MSN: variants seen among roughly 807,000 people sequenced by gnomAD.
MSN encodes moesin.
MSN carries 2 observed loss-of-function variants against 48.0 expected under a neutral mutation model. The ratio of observed to expected loss-of-function variants is 0.04; its 90% CI spans 0.02 to 0.13. MSN has a LOEUF of 0.13. MSN is among the 10% of genes least tolerant of loss of function. MSN has a pLI of 1.00. For synonymous variants in MSN, 146 were observed against 166.9 expected (o/e 0.87, Z 0.97); for missense variants, 267 against 470.1 (o/e 0.57, Z 3.99).
chrX:65,667,619 G>C (rs1461365464), upstream of MSN: 3 of 967,752 alleles, frequency 3.1e-6, no homozygotes, highest in East Asian at 1.2e-4. Flanking sequence ...CGCGGAAGCC[G>C]GGCCACATAA....
chrX:65,626,943 A>C (rs1027400482), intron 1 of MSN, among the ~76,000 whole-genome samples: 6 of 112,030 alleles, frequency 5.4e-5, no homozygotes, highest in Admixed American at 1.9e-4. Context: ...CACTGGGAAC[A>C]TGGGATGCCA....
At chrX:65,652,662 A>G (rs1219243052) in intron 1 of MSN, among the ~76,000 whole-genome samples, 1 of 111,578 alleles carries the variant, frequency 9.0e-6, no homozygotes, top group Non-Finnish European at 1.9e-5. Context: ...GCATGGGATC[A>G]TTAATCTTTT....
intron 1 of MSN, among the ~76,000 whole-genome samples, chrX:65,708,647 C>A (rs1430680961): frequency 1.8e-5 from 2 of 110,494 alleles, no homozygotes. Flanking sequence ...GTCCTTCAGG[C>A]TCATCCATGT....
At chrX:65,736,764 C>A in intron 8 of MSN, 31 bp from the exon 9 acceptor site, 2 of 1,161,608 alleles carry the variant, frequency 1.7e-6, no homozygotes, top group Non-Finnish European at 2.3e-6. Context: ...GCGTTGTTAT[C>A]CTGTTCTATC....
intron 1 of MSN, among the ~76,000 whole-genome samples, chrX:65,613,127 T>G (rs1276679360): frequency 9.0e-6 from 1 of 111,507 alleles, no homozygotes; most frequent in African/African-American, 3.3e-5. Flanking sequence ...CATGCTGTGT[T>G]TGATTTTCTG....
At chrX:65,733,395 C>T (rs780993760) in intron 7 of MSN, 115 bp downstream of exon 7, 34 of 554,543 alleles carry the variant, frequency 6.1e-5, no homozygotes, top group East Asian at 1.4e-4. Flanking sequence ...TACGTGTGTG[C>T]GCGCATGTGC....
chrX:65,700,732 T>G (rs1432997332), intron 1 of MSN, among the ~76,000 whole-genome samples: 1 of 111,892 alleles, frequency 8.9e-6, no homozygotes, highest in Non-Finnish European at 1.9e-5. Context: ...ATAAAATGGG[T>G]TTAATAATGC....
chrX:65,633,000 A>T (rs1329257216), intron 1 of MSN, among the ~76,000 whole-genome samples: 2 of 111,557 alleles, frequency 1.8e-5, no homozygotes, highest in Non-Finnish European at 3.8e-5. Flanking sequence ...TTAGCTAAGC[A>T]AAGGGAGGGC....
chrX:65,641,549 AGTATATATATATAT>A (rs1212631440), intron 1 of MSN, among the ~76,000 whole-genome samples: 17 of 32,564 alleles, frequency 5.2e-4, no homozygotes, highest in African/African-American at 1.7e-3. Flanking sequence ...AAAAAAGTGA[AGTATATATATATAT>A]ATATATATAT....
intron 1 of MSN, among the ~76,000 whole-genome samples, chrX:65,696,616 G>A (rs1384427198): frequency 9.0e-6 from 1 of 110,944 alleles, no homozygotes. Flanking sequence ...TGTGTGGGGG[G>A]CTAGATAGGT....
chrX:65,705,184 C>T (rs1009784814), intron 1 of MSN, among the ~76,000 whole-genome samples: 7 of 111,379 alleles, frequency 6.3e-5, no homozygotes, highest in Admixed American at 2.9e-4. Flanking sequence ...TTGCAAGGTT[C>T]GAATCGAGTG....
At chrX:65,618,637 C>T (rs1216394224) in intron 1 of MSN, among the ~76,000 whole-genome samples, 2 of 111,325 alleles carry the variant, frequency 1.8e-5, no homozygotes, top group Middle Eastern at 4.6e-3. Flanking sequence ...ATACAGCACA[C>T]TGTTGGGTCT....
chrX:65,727,726 T>G, intron 2 of MSN, 88 bp from the exon 3 acceptor site: 1 of 752,499 alleles, frequency 1.3e-6, no homozygotes. Flanking sequence ...AGGGCAGATA[T>G]AATATTGACT....
chrX:65,610,213 C>T (rs2070309866), intron 1 of MSN, among the ~76,000 whole-genome samples: 1 of 111,903 alleles, frequency 8.9e-6, no homozygotes, highest in Non-Finnish European at 1.9e-5. Context: ...GAAACGTTTT[C>T]ATCAACCCAA....
chrX:65,666,418 C>A (rs1350546452), upstream of MSN, among the ~76,000 whole-genome samples: 1 of 110,088 alleles, frequency 9.1e-6, no homozygotes. Flanking sequence ...CCTCCGCCTC[C>A]CGGGTTCAAG....
chrX:65,720,393 G>C (rs1311791610), intron 2 of MSN, among the ~76,000 whole-genome samples: 4 of 112,351 alleles, frequency 3.6e-5, no homozygotes, highest in African/African-American at 1.3e-4. Flanking sequence ...AAGAAGGAGG[G>C]GGGCAGTCAC....
At chrX:65,593,434 A>G (rs964071035) in intron 1 of MSN, 2 of 112,600 alleles carry the variant, frequency 1.8e-5, no homozygotes, top group East Asian at 2.8e-4. Context: ...TATCCTTCAA[A>G]GTCTCCGTCC....
chrX:65,624,890 GAAGA>G lies in MSN; in HGVS notation c.-22+36282_-22+36285del, dbSNP rs1309973374. On this transcript the variant is annotated intron_variant, in intron 1 of 3. Transcript: ENST00000609672. ...GGAAGGAAGAAAGGAAGGAAGGAAG[GAAGA>G]AAGGAAGGAAGGAAGGAAGCAAGGG... 1.1e-3 allele frequency: 124 copies of G among 110,756 alleles called. 1 individual carries two copies. The highest frequency in any genetic ancestry group is 4.0e-3 in the African/African-American group (121 of 30,498). The allele number at this position is 110,756 out of a possible 1,213,427, so 9.1% of individuals were successfully genotyped here. A position where few individuals can be genotyped will look rare whatever the true frequency, so the allele number is the denominator to read the frequency against.
chrX:65,619,978 C>T (rs6524998), intron 1 of MSN, among the ~76,000 whole-genome samples: 16,480 of 110,909 alleles, frequency 0.15, 3,056 homozygotes, highest in African/African-American at 0.51. Flanking sequence ...TGTGAGGTGT[C>T]AGTGTGCCCC....
Sources: gnomAD v4.1 joint callset for allele counts (sites outside exome capture counted in the v4.1 genomes callset) on GRCh38, gnomAD v4.1.1 for gene constraint, MANE v1.5 for transcripts, NCBI Gene and HGNC (gene_info 2026-07-23, HGNC 2026-07-21) for gene names.